Variants in SGMS2 observed in about 807,000 individuals in gnomAD.
SGMS2 encodes the protein phosphatidylcholine:ceramide cholinephosphotransferase 2.
SGMS2 carries 21 observed loss-of-function variants against 43.8 expected under a neutral mutation model. The observed-to-expected ratio is 0.48, with a 90% CI of 0.34 to 0.69. SGMS2 has a LOEUF of 0.69. Ranked by LOEUF, SGMS2 falls within the 30% of genes least tolerant of loss-of-function variation. The probability of loss-of-function intolerance (pLI) is 0.01; values close to 1 mark genes in which losing one functional copy is unlikely to be tolerated. For synonymous variants in SGMS2, 167 were observed against 160.6 expected (o/e 1.04, Z -0.30); for missense variants, 384 against 443.2 (o/e 0.87, Z 1.20).
chr4:107,837,938 T>G (rs1332775261), intron 1 of SGMS2, among the ~76,000 whole-genome samples: 5 of 152,152 alleles, frequency 3.3e-5, no homozygotes, highest in African/African-American at 1.2e-4. Context: ...TGATTAGAGT[T>G]GCCCATTAGT....
At chr4:107,848,325 G>T (rs896349062) in intron 1 of SGMS2, among the ~76,000 whole-genome samples, 1 of 152,110 alleles carries the variant, frequency 6.6e-6, no homozygotes, top group Non-Finnish European at 1.5e-5. Context: ...ACCTATTGAA[G>T]GACCTCTAGG....
intron 1 of SGMS2, among the ~76,000 whole-genome samples, chr4:107,831,275 G>A (rs1458625339): frequency 6.6e-6 from 1 of 152,092 alleles, no homozygotes; most frequent in Non-Finnish European, 1.5e-5. Context: ...GTATGTGTAT[G>A]CTCTCCTGGA....
rs1578685842 is a variant in SGMS2, at chr4:107,913,649, T to C, written c.*3096T>C. The stretch of plus-strand genomic sequence containing the variant: ...AAGCATTTTAAACCTTTCCCAAAGG[T>C]AAAATGTGCTCAGATTATAGGCACT... On this transcript the variant is annotated 3_prime_UTR_variant, in exon 7 of 7. Transcript: ENST00000690982. 1 of 152,342 alleles carries C rather than the reference T, an allele frequency of 6.6e-6. No homozygotes were observed. The highest frequency in any genetic ancestry group is 2.4e-5 in the African/African-American group (1 of 41,584). The allele number at this position is 152,342 out of a possible 1,614,324, so 9.4% of individuals were successfully genotyped here.
At chr4:107,863,227 G>A (rs1727868527) in intron 2 of SGMS2, among the ~76,000 whole-genome samples, 1 of 152,154 alleles carries the variant, frequency 6.6e-6, no homozygotes, top group South Asian at 2.1e-4. Flanking sequence ...CAGGAGCCTG[G>A]ACTCAGATGC....
chr4:107,898,632 T>C (rs1730870434), intron 3 of SGMS2, among the ~76,000 whole-genome samples: 1 of 152,132 alleles, frequency 6.6e-6, no homozygotes. Flanking sequence ...GACCTAACTA[T>C]ACAACAGAAA....
chr4:107,849,408 A>G (rs1348774894), intron 1 of SGMS2, among the ~76,000 whole-genome samples: 8 of 152,198 alleles, frequency 5.3e-5, no homozygotes, highest in African/African-American at 1.7e-4. Context: ...ATTTTAATGA[A>G]TTTAAATTAA....
intron 5 of SGMS2, among the ~76,000 whole-genome samples, chr4:107,905,055 A>G (rs1279220874): frequency 6.6e-6 from 1 of 152,196 alleles, no homozygotes; most frequent in Admixed American, 6.5e-5. Context: ...ACTTAGATTC[A>G]GTTTTCTAAA....
chr4:107,840,057 G>A (rs1456693740), intron 1 of SGMS2, among the ~76,000 whole-genome samples: 5 of 152,134 alleles, frequency 3.3e-5, no homozygotes, highest in East Asian at 1.9e-4. Flanking sequence ...TAAAGACTAC[G>A]TTTAATAGAA....
intron 2 of SGMS2, among the ~76,000 whole-genome samples, chr4:107,882,151 G>A (rs1245464966): frequency 6.6e-6 from 1 of 152,118 alleles, no homozygotes; most frequent in Non-Finnish European, 1.5e-5. Context: ...GGATCATATG[G>A]TAGTTCTATT....
chr4:107,883,312 A>T (rs998796623), intron 2 of SGMS2, among the ~76,000 whole-genome samples: 1 of 151,992 alleles, frequency 6.6e-6, no homozygotes, highest in South Asian at 2.1e-4. Flanking sequence ...TCTTAATTTG[A>T]TACTTCTTTT....
chr4:107,884,854 A>G (rs1235284088), intron 2 of SGMS2, among the ~76,000 whole-genome samples: 1 of 152,208 alleles, frequency 6.6e-6, no homozygotes, highest in Non-Finnish European at 1.5e-5. Flanking sequence ...CATGTCATCA[A>G]GACCTCCTGA....
chr4:107,881,259 A>G (rs1256700952), intron 2 of SGMS2, among the ~76,000 whole-genome samples: 5 of 152,026 alleles, frequency 3.3e-5, no homozygotes, highest in African/African-American at 9.7e-5. Flanking sequence ...AATTTAAGAA[A>G]TGAAAAAAAA....
intron 1 of SGMS2, among the ~76,000 whole-genome samples, chr4:107,844,180 C>G (rs542736352): frequency 6.6e-6 from 1 of 151,832 alleles, no homozygotes; most frequent in Non-Finnish European, 1.5e-5. Flanking sequence ...AAAAGTTAGC[C>G]GGGCATGGAG....
chr4:107,909,256 A>G (rs867600936), intron 6 of SGMS2, among the ~76,000 whole-genome samples: 2 of 151,768 alleles, frequency 1.3e-5, no homozygotes, highest in African/African-American at 4.8e-5. Flanking sequence ...CAGGTGCACG[A>G]CACCACGCCT....
In SGMS2 at chr4:107,886,873, G is replaced by GTATTGCTGT. The variant is rs566572511; in HGVS notation, c.-244-8436_-244-8428dup. On this transcript the variant is annotated intron_variant, in intron 2 of 6. Transcript: ENST00000690982. ...TCTTATTGCACTTACGCAAATAACTGTATTGCTGTAAGTTAAGAATACAAA... is the reference window on the plus strand; with the variant it reads ...TCTTATTGCACTTACGCAAATAACTGTATTGCTGTTATTGCTGTAAGTTAAGAATACAAA... The GTATTGCTGT allele has an allele frequency of 3.4e-3, 514 of 152,250 alleles. 3 individuals are homozygous for GTATTGCTGT. Among genetic ancestry groups the GTATTGCTGT allele is most frequent in the African/African-American group, 0.012 (500 of 41,558 alleles). 9.4% of individuals were successfully genotyped at this position (152,250 alleles called of 1,614,324 possible). A position where few individuals can be genotyped will look rare whatever the true frequency, so the allele number is the denominator to read the frequency against.
intron 2 of SGMS2, among the ~76,000 whole-genome samples, chr4:107,878,075 C>G (rs1729069234): frequency 6.6e-6 from 1 of 151,838 alleles, no homozygotes; most frequent in Non-Finnish European, 1.5e-5. Flanking sequence ...ACCACCATGC[C>G]CGGCTAACTT....
rs903150985 is a variant in SGMS2, at chr4:107,915,025, A to G, written c.*4472A>G. The G allele has an allele frequency of 1.3e-5, 2 of 152,238 alleles. No individual in the cohort carries two copies. The highest frequency in any genetic ancestry group is 2.9e-5 in the Non-Finnish European group (2 of 68,040). The allele number at this position is 152,238 out of a possible 1,614,324, so 9.4% of individuals were successfully genotyped here. On this transcript the variant is annotated 3_prime_UTR_variant, in exon 7 of 7. Transcript: ENST00000690982. ...TATTTACCTAATAAACCACAGTGAC[A>G]TCAACAGTCTTTTCAAAATTAATAT...
intron 3 of SGMS2, among the ~76,000 whole-genome samples, chr4:107,899,242 CAA>C (rs1325678750): frequency 6.6e-6 from 1 of 152,148 alleles, no homozygotes; most frequent in Non-Finnish European, 1.5e-5. Context: ...CATTCTCTGG[CAA>C]AGAGTGCTTT....
intron 1 of SGMS2, among the ~76,000 whole-genome samples, chr4:107,831,713 T>C (rs1245864120): frequency 2.0e-5 from 3 of 152,246 alleles, no homozygotes; most frequent in Non-Finnish European, 4.4e-5. Flanking sequence ...GCTGTGCTAA[T>C]AGGAGCTGGA....
Sources: allele counts gnomAD v4.1 joint callset (sites outside exome capture counted in the v4.1 genomes callset), GRCh38; gene constraint gnomAD v4.1.1; transcripts MANE v1.5; gene names NCBI Gene and HGNC (gene_info 2026-07-23, HGNC 2026-07-21).